Variants in DNAJC3 observed in about 807,000 individuals in gnomAD.
DNAJC3 encodes dnaJ homolog subfamily C member 3.
Under a neutral mutation model 68.6 loss-of-function variants are expected in DNAJC3, and 38 were observed. The observed-to-expected ratio is 0.55, with a 90% CI of 0.43 to 0.73. DNAJC3 has a LOEUF of 0.73. Among genes scored for constraint, DNAJC3 ranks in the 30% least tolerant of loss-of-function variants. The pLI is 0.00. For synonymous variants in DNAJC3, 203 were observed against 204.0 expected, an observed-to-expected ratio of 1.00 and a Z score of 0.04; for missense variants, 526 against 591.9, an observed-to-expected ratio of 0.89 and a Z score of 1.16.
At chr13:95,683,784 CTT>C (rs747406209) in intron 1 of DNAJC3, among the ~76,000 whole-genome samples, 1 of 150,226 alleles carries the variant, frequency 6.7e-6, no homozygotes, top group African/African-American at 2.5e-5. Context: ...AAAAAAAAAA[CTT>C]AGCCTGTTGT....
chr13:95,744,173 G>A (rs1249380568), intron 4 of DNAJC3, among the ~76,000 whole-genome samples: 2 of 151,992 alleles, frequency 1.3e-5, no homozygotes, highest in South Asian at 2.1e-4. Context: ...TACAGATACT[G>A]TATGTGTTTT....
At chr13:95,690,945 G>T (rs112553729) in intron 1 of DNAJC3, among the ~76,000 whole-genome samples, 2 of 117,772 alleles carry the variant, frequency 1.7e-5, no homozygotes, top group African/African-American at 6.6e-5. Context: ...CCTCCCGGAC[G>T]GGGCGGCTGG....
intron 1 of DNAJC3, among the ~76,000 whole-genome samples, chr13:95,691,221 G>A (rs747562601): frequency 0.023 from 3,446 of 151,850 alleles, 54 homozygotes; most frequent in Non-Finnish European, 0.037. Context: ...TCCCGGACGA[G>A]GTGGCTGCCG....
chr13:95,724,043 C>T (rs1001879288), intron 3 of DNAJC3, among the ~76,000 whole-genome samples: 7 of 151,828 alleles, frequency 4.6e-5, no homozygotes, highest in Admixed American at 3.9e-4. Context: ...TACTGTATTT[C>T]GAGAAGGATT....
chr13:95,691,080 A>G (rs1296916847), intron 1 of DNAJC3, among the ~76,000 whole-genome samples: 4 of 131,736 alleles, frequency 3.0e-5, no homozygotes, highest in African/African-American at 1.2e-4. Context: ...CTCACTTCCC[A>G]GTAGGGGCGG....
Position 95,677,179 on chromosome 13 carries a change from C to G in DNAJC3, c.-77C>G. The G allele has an allele frequency of 2.1e-6, 3 of 1,399,454 alleles. No individual in the cohort carries two copies. The highest frequency in any genetic ancestry group is 1.9e-4 in the Middle Eastern group (1 of 5,394). The allele number at this position is 1,399,454 out of a possible 1,614,324, so 86.7% of individuals were successfully genotyped here. On this transcript the variant is annotated 5_prime_UTR_variant, in exon 1 of 12. Transcript: ENST00000602402. ...TGAGCGAGAGCCGACGGCGGGCGGG[C>G]GCAGCTGCTGCCGGAGCGCCGGCGC...
At chr13:95,687,915 A>C (rs1880112221) in intron 1 of DNAJC3, among the ~76,000 whole-genome samples, 1 of 152,182 alleles carries the variant, frequency 6.6e-6, no homozygotes, top group South Asian at 2.1e-4. Flanking sequence ...TGAGCATGGA[A>C]TGTTTTTCCA....
At chr13:95,736,597 G>T (rs1375311131) in intron 4 of DNAJC3, among the ~76,000 whole-genome samples, 3 of 151,554 alleles carry the variant, frequency 2.0e-5, no homozygotes, top group Admixed American at 2.0e-4. Context: ...GTGAATGGGA[G>T]TTCACTCATG....
intron 2 of DNAJC3, among the ~76,000 whole-genome samples, chr13:95,721,100 C>T (rs906951690): frequency 6.6e-6 from 1 of 152,130 alleles, no homozygotes; most frequent in Non-Finnish European, 1.5e-5. Context: ...CACTATTCTA[C>T]CTTCTGTCTC....
In DNAJC3 at chr13:95,794,230, A is replaced by G. The variant is rs1041220977; in HGVS notation, c.*3200A>G. On this transcript the variant is annotated 3_prime_UTR_variant, in exon 12 of 12. Coordinates refer to ENST00000602402, the MANE Select transcript of DNAJC3 (RefSeq NM_006260.5). ...CATAACTTGGTAAAAAAGGTAGCCA[A>G]TAAAACCACAATTTGAAATTGATAC... 1 of 152,280 alleles carries G rather than the reference A, an allele frequency of 6.6e-6. No individual in the cohort carries two copies. Among genetic ancestry groups the G allele is most frequent in the Non-Finnish European group, 1.5e-5 (1 of 68,056 alleles). The allele number at this position is 152,280 out of a possible 1,614,324, so 9.4% of individuals were successfully genotyped here.
intron 1 of DNAJC3, among the ~76,000 whole-genome samples, chr13:95,700,431 G>C (rs1318346610): frequency 1.3e-5 from 2 of 152,162 alleles, no homozygotes; most frequent in Admixed American, 6.5e-5. Context: ...GGGAGGGTAT[G>C]TTCTGAGCCC....
At chr13:95,748,954 T>C (rs1167066249) in intron 4 of DNAJC3, among the ~76,000 whole-genome samples, 1 of 152,240 alleles carries the variant, frequency 6.6e-6, no homozygotes, top group African/African-American at 2.4e-5. Flanking sequence ...CACTTTATGC[T>C]ATGATTCAGA....
intron 4 of DNAJC3, among the ~76,000 whole-genome samples, chr13:95,747,188 C>T (rs1882330224): frequency 6.6e-6 from 1 of 152,160 alleles, no homozygotes; most frequent in Non-Finnish European, 1.5e-5. Flanking sequence ...CATTTGAGTG[C>T]ATGTTCTTTG....
intron 1 of DNAJC3, among the ~76,000 whole-genome samples, chr13:95,688,892 T>A (rs773781920): frequency 7.9e-5 from 12 of 151,670 alleles, no homozygotes; most frequent in Non-Finnish European, 1.3e-4. Flanking sequence ...TGAACCATCC[T>A]TGCATCCCAG....
At position 95,690,694 on chromosome 13, in the gene DNAJC3, C is replaced by T. The variant is rs75420130; in HGVS notation, c.82+13357C>T. 6.6e-4 allele frequency among the ~76,000 whole-genome samples: 82 copies of T among 123,460 alleles called. No homozygotes were observed. The East Asian group carries it at 9.5e-3, about 14-fold the overall frequency. 81.0% of individuals were successfully genotyped at this position (123,460 alleles called of 152,430 possible). A position where few individuals can be genotyped will look rare whatever the true frequency, so the allele number is the denominator to read the frequency against. On this transcript the variant is annotated intron_variant, in intron 1 of 11. Coordinates refer to ENST00000602402, the MANE Select transcript of DNAJC3 (RefSeq NM_006260.5). ...CCCCCCACCTCCCTCCCGGACGGGG[C>T]GGCTGGCTGGGCAGAGAGGCTCCTC... is the stretch of plus-strand genomic sequence containing the variant.
chr13:95,682,287 T>G (rs1282737492), intron 1 of DNAJC3, among the ~76,000 whole-genome samples: 1 of 152,066 alleles, frequency 6.6e-6, no homozygotes, highest in African/African-American at 2.4e-5. Flanking sequence ...ACTTAGGGCT[T>G]TCCTCATTCC....
Position 95,725,262 on chromosome 13 carries a change from A to G in DNAJC3, c.393+10A>G. 1.9e-6 allele frequency: 3 copies of G among 1,575,768 alleles called. No individual in the cohort carries two copies. Among genetic ancestry groups the G allele is most frequent in the South Asian group, 1.2e-5 (1 of 84,890 alleles). ...TGATTTTAAAAAAGTGGTAAGTTCA[A>G]TATGTATTTGACTCTAGGAAGATGT... On this transcript the variant is annotated intron_variant, in intron 4 of 11. Coordinates refer to ENST00000602402, the MANE Select transcript of DNAJC3 (RefSeq NM_006260.5).
At chr13:95,789,523 G>A (rs1340368054) in intron 11 of DNAJC3, among the ~76,000 whole-genome samples, 1 of 152,014 alleles carries the variant, frequency 6.6e-6, no homozygotes, top group Non-Finnish European at 1.5e-5. Flanking sequence ...CCATGGTGTA[G>A]ATGTACCACA....
chr13:95,687,853 A>C (rs1404784217), intron 1 of DNAJC3, among the ~76,000 whole-genome samples: 1 of 152,202 alleles, frequency 6.6e-6, no homozygotes, highest in Non-Finnish European at 1.5e-5. Context: ...TTGAATCTGT[A>C]GATTGCTTTG....
Sources: allele counts gnomAD v4.1 joint callset (sites outside exome capture counted in the v4.1 genomes callset), GRCh38; gene constraint gnomAD v4.1.1; transcripts MANE v1.5; gene names NCBI Gene and HGNC (gene_info 2026-07-23, HGNC 2026-07-21).